TMED10: variants seen among roughly 807,000 people sequenced by gnomAD.
TMED10 encodes transmembrane p24 trafficking protein 10.
A neutral mutation model predicts 23.1 loss-of-function variants in TMED10; 7 were observed. That is an observed-to-expected ratio of 0.30 (90% CI 0.17 to 0.57). The LOEUF is 0.57. TMED10 is among the 20% of genes least tolerant of loss of function. TMED10 has a pLI of 0.91. For missense variants in TMED10, 162 were observed against 274.8 expected (o/e 0.59, Z 2.90); for synonymous variants, 113 against 106.9 (o/e 1.06, Z -0.35).
intron 1 of TMED10, among the ~76,000 whole-genome samples, chr14:75,174,424 C>T (rs2139866100): frequency 6.6e-6 from 1 of 152,132 alleles, no homozygotes; most frequent in Non-Finnish European, 1.5e-5. Flanking sequence ...AAGAACAAAT[C>T]AGACAGCAAC....
At chr14:75,176,010 T>A (rs2139867806) in intron 1 of TMED10, 1 of 348,590 alleles carries the variant, frequency 2.9e-6, no homozygotes, top group South Asian at 2.7e-5. Context: ...TGCCAATCCG[T>A]ATAAATATTC....
chr14:75,172,590 G>T (rs905208973), intron 1 of TMED10, among the ~76,000 whole-genome samples: 3 of 152,160 alleles, frequency 2.0e-5, no homozygotes, highest in Non-Finnish European at 2.9e-5. Flanking sequence ...TTACAGGCAT[G>T]AGCCACCGCG....
intron 1 of TMED10, among the ~76,000 whole-genome samples, chr14:75,162,123 G>C (rs1475671084): frequency 6.6e-6 from 1 of 152,138 alleles, no homozygotes; most frequent in Non-Finnish European, 1.5e-5. Flanking sequence ...AAATTAGCCA[G>C]GCATGGTGGC....
intron 3 of TMED10, chr14:75,139,275 T>C (rs1895792809): frequency 5.4e-6 from 2 of 367,842 alleles, no homozygotes; most frequent in Admixed American, 3.6e-5. Flanking sequence ...GTAAGATCTT[T>C]CCAAAAATGT....
At chr14:75,149,996 C>T (rs776365921) in intron 2 of TMED10, among the ~76,000 whole-genome samples, 3 of 152,004 alleles carry the variant, frequency 2.0e-5, no homozygotes, top group Non-Finnish European at 2.9e-5. Context: ...CCAGCTACTC[C>T]GGAGGCTGAG....
At chr14:75,162,665 A>G (rs551384371) in intron 1 of TMED10, among the ~76,000 whole-genome samples, 26 of 152,316 alleles carry the variant, frequency 1.7e-4, no homozygotes, top group Middle Eastern at 3.4e-3. Flanking sequence ...GGGGGAAAAA[A>G]GGAAAGAAAA....
intron 1 of TMED10, among the ~76,000 whole-genome samples, chr14:75,163,552 C>CAAA (rs758185921): frequency 0.018 from 1,102 of 60,602 alleles, 20 homozygotes; most frequent in South Asian, 0.033. Context: ...GACTCCGTAT[C>CAAA]AAAAAAAAAA....
At chr14:75,148,893 C>A (rs995049064) in intron 2 of TMED10, among the ~76,000 whole-genome samples, 1 of 152,138 alleles carries the variant, frequency 6.6e-6, no homozygotes, top group Non-Finnish European at 1.5e-5. Context: ...AGAGGTAAAA[C>A]CTTTAATTTT....
chr14:75,139,024 TA>T, intron 3 of TMED10: 1 of 350,544 alleles, frequency 2.9e-6, no homozygotes, highest in South Asian at 2.3e-5. Flanking sequence ...ATTCTTTGGC[TA>T]AAAATTTAAA....
intron 1 of TMED10, among the ~76,000 whole-genome samples, chr14:75,171,236 G>A (rs1046856191): frequency 3.3e-5 from 5 of 151,988 alleles, no homozygotes; most frequent in Non-Finnish European, 7.4e-5. Flanking sequence ...GGATGGAAAA[G>A]GGAAGGAAAG....
chr14:75,150,451 C>T (rs539829925), intron 2 of TMED10, among the ~76,000 whole-genome samples: 25 of 152,314 alleles, frequency 1.6e-4, no homozygotes, highest in Non-Finnish European at 2.8e-4. Flanking sequence ...CCCTGATTGT[C>T]ACAGCACAGT....
intron 1 of TMED10, among the ~76,000 whole-genome samples, chr14:75,158,037 C>G (rs1376064349): frequency 6.6e-6 from 1 of 152,118 alleles, no homozygotes; most frequent in Non-Finnish European, 1.5e-5. Context: ...TGCCTTCCCC[C>G]AAAAGGAATG....
rs568240662 is a variant in TMED10, at chr14:75,169,013, A to G, written c.225+7342T>C. Among the ~76,000 whole-genome samples the G allele has an allele frequency of 1.8e-4, 28 of 152,328 alleles. 1 individual carries two copies. The South Asian group carries it at 5.6e-3, about 30-fold the overall frequency. Reference sequence around the variant, plus strand: ...AGAACATTATATTCAAAGAACTGTAAGGTGTTCAGTATAGCTAGAGTCAGA... The same window carrying G: ...AGAACATTATATTCAAAGAACTGTAGGGTGTTCAGTATAGCTAGAGTCAGA... On this transcript the variant is annotated intron_variant, in intron 1 of 4. Transcript: ENST00000303575.
chr14:75,147,185 G>GTTTTTTTTTTTTTTTTTTTTTTTTTTT (rs71119349), intron 3 of TMED10, among the ~76,000 whole-genome samples: 5 of 116,616 alleles, frequency 4.3e-5, no homozygotes, highest in African/African-American at 1.9e-4. Flanking sequence ...CTTCAAGGCT[G>GTTTTTTTTTTTTTTTTTTTTTTTTTTT]TTTTTTTTTT....
intron 2 of TMED10, among the ~76,000 whole-genome samples, chr14:75,150,585 G>C (rs1007769685): frequency 6.6e-6 from 1 of 152,108 alleles, no homozygotes; most frequent in African/African-American, 2.4e-5. Flanking sequence ...TACACAAATA[G>C]CATTGTGTTC....
intron 3 of TMED10, among the ~76,000 whole-genome samples, chr14:75,139,948 G>A (rs191835362): frequency 5.2e-4 from 79 of 152,156 alleles, no homozygotes; most frequent in African/African-American, 1.7e-3. Flanking sequence ...ATAATATTTG[G>A]AGGAAATCAA....
intron 3 of TMED10, among the ~76,000 whole-genome samples, chr14:75,147,140 T>G (rs964056159): frequency 9.2e-5 from 14 of 151,862 alleles, no homozygotes; most frequent in Non-Finnish European, 2.1e-4. Flanking sequence ...GGACAGTTTG[T>G]TCAGTCTTTG....
At chr14:75,147,890 C>G in intron 2 of TMED10, 153 bp from the exon 3 acceptor site, 1 of 687,002 alleles carries the variant, frequency 1.5e-6, no homozygotes, top group African/African-American at 1.9e-5. Flanking sequence ...CAGAAAATTC[C>G]TGGCTCTGGC....
chr14:75,172,269 T>A (rs538168201), intron 1 of TMED10, among the ~76,000 whole-genome samples: 3 of 151,858 alleles, frequency 2.0e-5, no homozygotes, highest in African/African-American at 7.2e-5. Context: ...TTGAGACAAG[T>A]GGGATCATAC....
Sources: allele counts gnomAD v4.1 joint callset (sites outside exome capture counted in the v4.1 genomes callset), GRCh38; gene constraint gnomAD v4.1.1; transcripts MANE v1.5; gene names NCBI Gene and HGNC (gene_info 2026-07-23, HGNC 2026-07-21).